ROBO2: variants seen among roughly 807,000 people sequenced by gnomAD.
The protein encoded by ROBO2 is roundabout guidance receptor 2, also known as roundabout homolog 2.
ROBO2 carries 53 observed loss-of-function variants against 160.8 expected under a neutral mutation model. That is an observed-to-expected ratio of 0.33 (90% CI 0.26 to 0.41). The LOEUF is 0.41. Ranked by LOEUF, ROBO2 falls within the 10% of genes least tolerant of loss-of-function variation. The probability of loss-of-function intolerance (pLI) is 1.00; values close to 1 mark genes in which losing one functional copy is unlikely to be tolerated. For synonymous variants in ROBO2, 664 were observed against 611.7 expected (o/e 1.09, Z -1.26); for missense variants, 1,577 against 1,722.4 (o/e 0.92, Z 1.49).
chr3:77,082,306 T>G (rs2068749185), intron 1 of ROBO2, among the ~76,000 whole-genome samples: 1 of 152,172 alleles, frequency 6.6e-6, no homozygotes, highest in African/African-American at 2.4e-5. Flanking sequence ...ACACTTCAGT[T>G]TTCAGCCTAA....
chr3:77,579,886 A>G, intron 15 of ROBO2, 61 bp from the exon 17 acceptor site: 1 of 1,400,738 alleles, frequency 7.1e-7, no homozygotes, highest in Non-Finnish European at 1.0e-6. Flanking sequence ...CAGTTACAGT[A>G]GTCTCGTTAC....
At chr3:76,615,535 A>T (rs931846037) in intron 2 of ROBO2, among the ~76,000 whole-genome samples, 2 of 152,188 alleles carry the variant, frequency 1.3e-5, no homozygotes, top group Non-Finnish European at 2.9e-5. Context: ...ACAAGTGATA[A>T]TATTGAAAGA....
Position 77,381,100 on chromosome 3 carries a change from G to A in ROBO2, c.389-96314G>A, listed in dbSNP as rs1342400548. Among the ~76,000 whole-genome samples, 4 of 152,158 alleles carry A rather than the reference G, an allele frequency of 2.6e-5. No homozygotes were observed. In the East Asian group the frequency reaches 7.7e-4, roughly 29 times the overall value. ...GGAGGCCTAGGCGGGGGGATCACGAGGTCAGGAGATCAAGACCATCCTGGC... is the reference window on the plus strand; with the variant it reads ...GGAGGCCTAGGCGGGGGGATCACGAAGTCAGGAGATCAAGACCATCCTGGC... On this transcript the variant is annotated intron_variant, in intron 2 of 25. Coordinates refer to ENST00000461745, the Ensembl canonical transcript of ROBO2.
At chr3:76,856,130 T>A (rs1369355509) in intron 2 of ROBO2, among the ~76,000 whole-genome samples, 1 of 152,176 alleles carries the variant, frequency 6.6e-6, no homozygotes, top group East Asian at 1.9e-4. Context: ...CGTGGTTATA[T>A]GAACAAGAAG....
intron 2 of ROBO2, among the ~76,000 whole-genome samples, chr3:77,324,786 A>AT (rs1491526709): frequency 2.3e-5 from 3 of 129,146 alleles, no homozygotes; most frequent in East Asian, 2.3e-4. Context: ...CGTCTCAAAA[A>AT]GAAAAAAAAA....
intron 2 of ROBO2, among the ~76,000 whole-genome samples, chr3:76,059,670 C>T (rs956473871): frequency 6.6e-6 from 1 of 152,124 alleles, no homozygotes; most frequent in Non-Finnish European, 1.5e-5. Flanking sequence ...TCCTATCTGT[C>T]AATTTTGGCT....
At chr3:77,297,721 C>T (rs2062273523) in intron 2 of ROBO2, among the ~76,000 whole-genome samples, 1 of 152,154 alleles carries the variant, frequency 6.6e-6, no homozygotes, top group Non-Finnish European at 1.5e-5. Flanking sequence ...TGTATCAATG[C>T]TTCTGCTTTT....
chr3:77,179,331 A>G (rs538222071), intron 2 of ROBO2, among the ~76,000 whole-genome samples: 2 of 152,088 alleles, frequency 1.3e-5, no homozygotes, highest in African/African-American at 4.8e-5. Flanking sequence ...AAAAAGTTAA[A>G]TTGAAGACTC....
intron 2 of ROBO2, among the ~76,000 whole-genome samples, chr3:76,346,825 A>G (rs1361801026): frequency 2.6e-5 from 4 of 152,198 alleles, no homozygotes; most frequent in Non-Finnish European, 4.4e-5. Flanking sequence ...ACTGAGTGAC[A>G]ACATGAAAGC....
intron 2 of ROBO2, among the ~76,000 whole-genome samples, chr3:76,682,418 A>ATTCCTTTT (rs756772929): frequency 1.2e-5 from 1 of 84,320 alleles, no homozygotes; most frequent in Non-Finnish European, 2.2e-5. Context: ...TCTATTAAAA[A>ATTCCTTTT]TTTCTTTTGA....
At chr3:77,620,961 A>G (rs2094887869) in intron 22 of ROBO2, among the ~76,000 whole-genome samples, 1 of 152,202 alleles carries the variant, frequency 6.6e-6, no homozygotes, top group East Asian at 1.9e-4. Flanking sequence ...TCACTTTTTA[A>G]TGCTGGTAAC....
chr3:76,228,287 G>C (rs1704413615), intron 2 of ROBO2, among the ~76,000 whole-genome samples: 2 of 152,254 alleles, frequency 1.3e-5, no homozygotes, highest in South Asian at 4.1e-4. Flanking sequence ...GCAATTGTAT[G>C]GGGGTTATGA....
At chr3:77,055,286 G>T (rs534456786) in intron 1 of ROBO2, among the ~76,000 whole-genome samples, 2 of 152,076 alleles carry the variant, frequency 1.3e-5, no homozygotes, top group Non-Finnish European at 2.9e-5. Context: ...GATATTAGGG[G>T]TGTCTATATA....
intron 17 of ROBO2, among the ~76,000 whole-genome samples, chr3:77,593,823 G>A (rs1051642749): frequency 2.0e-5 from 3 of 151,902 alleles, no homozygotes; most frequent in Non-Finnish European, 4.4e-5. Context: ...ATATTAAGTG[G>A]CAATATATCC....
chr3:76,516,920 T>A (rs866910034), intron 2 of ROBO2, among the ~76,000 whole-genome samples: 12 of 152,172 alleles, frequency 7.9e-5, no homozygotes, highest in Non-Finnish European at 1.5e-4. Context: ...TTTCTCTTCT[T>A]ATTTTGAAAA....
chr3:77,586,481 C>T (rs1195849515), intron 16 of ROBO2, among the ~76,000 whole-genome samples: 1 of 152,032 alleles, frequency 6.6e-6, no homozygotes, highest in Non-Finnish European at 1.5e-5. Context: ...GGGATGAAGA[C>T]ATTATATTTC....
At chr3:75,933,285 A>T (rs1380378067) in intron 1 of ROBO2, among the ~76,000 whole-genome samples, 4 of 152,204 alleles carry the variant, frequency 2.6e-5, no homozygotes, top group Non-Finnish European at 5.9e-5. Context: ...ATATGCTAAG[A>T]AGAGGAATTG....
At chr3:76,323,474 A>G (rs1177843443) in intron 2 of ROBO2, among the ~76,000 whole-genome samples, 4 of 152,190 alleles carry the variant, frequency 2.6e-5, no homozygotes, top group Non-Finnish European at 5.9e-5. Context: ...TACTAATATC[A>G]CATCTGGTTT....
chr3:76,011,794 C>T (rs1173181633), intron 2 of ROBO2, among the ~76,000 whole-genome samples: 2 of 152,126 alleles, frequency 1.3e-5, no homozygotes, highest in African/African-American at 4.8e-5. Context: ...AATATTGTTT[C>T]CAGTCATCTG....
Sources: allele counts gnomAD v4.1 joint callset (sites outside exome capture counted in the v4.1 genomes callset), GRCh38; gene constraint gnomAD v4.1.1; transcripts MANE v1.5; gene names NCBI Gene and HGNC (gene_info 2026-07-23, HGNC 2026-07-21).